TNRC18: variants seen among roughly 807,000 people sequenced by gnomAD.
TNRC18 encodes trinucleotide repeat containing 18.
TNRC18 carries 69 observed loss-of-function variants against 226.7 expected under a neutral mutation model. The ratio of observed to expected loss-of-function variants is 0.30; its 90% CI spans 0.25 to 0.37. The LOEUF (loss-of-function observed/expected upper bound fraction) is 0.37, where lower values mean the gene tolerates loss of function less well. Among genes scored for constraint, TNRC18 ranks in the 10% least tolerant of loss-of-function variants. The pLI, the probability that TNRC18 is intolerant of heterozygous loss-of-function variation, is 1.00. For synonymous variants in TNRC18, 2,449 were observed against 1,927.6 expected (o/e 1.27, Z -7.09); for missense variants, 4,754 against 4,256.6 (o/e 1.12, Z -3.25).
At chr7:5,402,118 G>A (rs1013467349) in intron 2 of TNRC18, among the ~76,000 whole-genome samples, 2 of 146,960 alleles carry the variant, frequency 1.4e-5, no homozygotes, top group East Asian at 2.0e-4. Context: ...GGCGGAGCAT[G>A]CCGTGAGCTG....
chr7:5,343,010 G>A (rs147374486), intron 18 of TNRC18, among the ~76,000 whole-genome samples: 5 of 152,260 alleles, frequency 3.3e-5, no homozygotes, highest in Non-Finnish European at 7.4e-5. Context: ...GATCGTTAGC[G>A]TTTTTGGCAA....
In TNRC18 at chr7:5,307,736, C is replaced by T. The variant is rs372247188; in HGVS notation, c.*370G>A. 5.6e-6 allele frequency: 2 copies of T among 354,514 alleles called. No homozygotes were observed. Among genetic ancestry groups the T allele is most frequent in the South Asian group, 4.6e-5 (2 of 43,950 alleles). 22.0% of individuals were successfully genotyped at this position (354,514 alleles called of 1,614,324 possible). ...TTAGAAGCGCCCCTCCCCACCGAAT[C>T]CCCAGTCTGCATGGACCTGGGGGCA... On this transcript the variant is annotated 3_prime_UTR_variant, in exon 30 of 30. Coordinates refer to ENST00000430969, the MANE Select transcript of TNRC18 (RefSeq NM_001080495.3).
intron 24 of TNRC18, among the ~76,000 whole-genome samples, chr7:5,317,107 C>G (rs761311375): frequency 1.3e-5 from 2 of 152,184 alleles, no homozygotes; most frequent in African/African-American, 2.4e-5. Flanking sequence ...AGAATCTGGG[C>G]AGCCCCCTAA....
intron 1 of TNRC18, chr7:5,422,850 G>A (rs1034057890): frequency 1.1e-4 from 17 of 152,220 alleles, no homozygotes; most frequent in African/African-American, 3.9e-4. Context: ...CACATCCGAG[G>A]ATACATGTCT....
rs116288745 is a variant in TNRC18 at position 5,359,786 on chromosome 7, G to A, written c.4662-217C>T. On this transcript the variant is annotated intron_variant, in intron 14 of 29. Coordinates refer to ENST00000430969, the MANE Select transcript of TNRC18 (RefSeq NM_001080495.3). ...GAATGAGAGTTTAAGGTGAAAGAAGGAAGAAAGCATTTTCTTTCTTGTGCG... is the reference window on the plus strand; with the variant it reads ...GAATGAGAGTTTAAGGTGAAAGAAGAAAGAAAGCATTTTCTTTCTTGTGCG... 4.3e-3 allele frequency among the ~76,000 whole-genome samples: 661 copies of A among 152,198 alleles called. 3 individuals carry two copies. The highest frequency in any genetic ancestry group is 0.014 in the African/African-American group (602 of 41,532).
intron 16 of TNRC18, among the ~76,000 whole-genome samples, chr7:5,356,586 C>T (rs566350211): frequency 6.6e-6 from 1 of 152,370 alleles, no homozygotes; most frequent in African/African-American, 2.4e-5. Context: ...ACAAGGCTTC[C>T]TCGCCTATGA....
chr7:5,357,073 C>T lies in TNRC18; in HGVS notation c.5037G>A (p.Ala1679=), dbSNP rs2128154912. ...YDSLLGKNRK[A]LAKGLGLSLK... ...GAGACAGGCCGAGGCCCTTGGCCAG[C>T]GCCTTCCTGTTCTTCCCCAGCAGGC... The change falls in exon 16 of 30, where the codon GCG becomes GCA. Residue 1679 remains alanine (A), a synonymous_variant. Coordinates refer to ENST00000430969, the MANE Select transcript of TNRC18 (RefSeq NM_001080495.3). The T allele has an allele frequency of 2.6e-6, 4 of 1,552,120 alleles. No homozygotes were observed. Among genetic ancestry groups the T allele is most frequent in the Non-Finnish European group, 3.5e-6 (4 of 1,147,082 alleles).
chr7:5,379,313 C>T (rs929414986), intron 5 of TNRC18, among the ~76,000 whole-genome samples: 15 of 151,688 alleles, frequency 9.9e-5, no homozygotes, highest in Admixed American at 3.3e-4. Context: ...TCTCTTGCGC[C>T]GGGGAGGTCG....
chr7:5,356,919 A>G lies in TNRC18; in HGVS notation c.5191T>C (p.Tyr1731His), dbSNP rs1385268949. 2.6e-6 allele frequency: 4 copies of G among 1,542,540 alleles called. No homozygotes were observed. Among genetic ancestry groups the G allele is most frequent in the Non-Finnish European group, 3.5e-6 (4 of 1,142,354 alleles). Residue 1731 changes from tyrosine to histidine, a missense_variant, in exon 16 of 30, where the codon TAC becomes CAC. Physicochemically the swap from Tyr to His is moderately conservative, Grantham distance 83. Transcript: ENST00000430969. ...PFASEVSSYS[Y>H]NTDSEEDEEF... Reference sequence around the variant, plus strand: ...TGGCGCGGCATACGCTACTTACTGTAAGAGTAGCTGCTCACTTCCGAGGCA... The same window carrying G: ...TGGCGCGGCATACGCTACTTACTGTGAGAGTAGCTGCTCACTTCCGAGGCA...
In TNRC18 at chr7:5,313,766, G is replaced by T; in HGVS notation, c.7125C>A (p.Ser2375Arg). ...CTCGCTTGTCCACAGGCTCTGGGGGGCTCTTCTTGGAACCTGGGGTGCTGC... is the reference window on the plus strand; with the variant it reads ...CTCGCTTGTCCACAGGCTCTGGGGGTCTCTTCTTGGAACCTGGGGTGCTGC... ...EPSSTPGSKK[S>R]PPEPVDKRAK... The change falls in exon 27 of 30, where the codon AGC becomes AGA. Residue 2375 changes from serine (S) to arginine (R), a missense_variant. Physicochemically the swap from Ser to Arg is moderately radical, Grantham distance 110. Transcript: ENST00000430969. 6.5e-7 allele frequency: 1 copy of T among 1,550,252 alleles called. No individual in the cohort carries two copies. Among genetic ancestry groups the T allele is most frequent in the Non-Finnish European group, 8.7e-7 (1 of 1,148,978 alleles).
At chr7:5,336,865 G>C (rs1350136532) in intron 18 of TNRC18, among the ~76,000 whole-genome samples, 6 of 152,204 alleles carry the variant, frequency 3.9e-5, no homozygotes, top group Non-Finnish European at 7.3e-5. Flanking sequence ...TTATGAGTTT[G>C]GGTGTGGGGG....
In TNRC18 at chr7:5,377,940, T is replaced by C; in HGVS notation, c.2237A>G (p.Asp746Gly). 1.2e-6 allele frequency: 2 copies of C among 1,613,368 alleles called. No individual in the cohort carries two copies. Among genetic ancestry groups the C allele is most frequent in the South Asian group, 2.2e-5 (2 of 91,014 alleles). ...CCCTCACCTGAGCAGCTTCTCCTGA[T>C]CCCGGTCCAGCCGTGCCCCGAGCAG... ...ERLLGARLDR[D>G]QEKLLRESKE... Residue 746 changes from aspartate (D) to glycine (G), a missense_variant, in exon 6 of 30, where the codon GAT (aspartate) becomes GGT (glycine). Physicochemically the swap from Asp to Gly is moderately conservative, Grantham distance 94. Coordinates refer to ENST00000430969, the MANE Select transcript of TNRC18 (RefSeq NM_001080495.3). This position sits in a 1 kb window ranked among gnomAD's most constrained non-coding sequence, Gnocchi z 5.8.
chr7:5,359,649 G>C lies in TNRC18; in HGVS notation c.4662-80C>G, dbSNP rs554633890. The stretch of plus-strand genomic sequence containing the variant: ...TGAGGTCCACCCTCATGGCCCTGAA[G>C]GGTTGGGCTCTGGACCCTGAGCGTG... On this transcript the variant is annotated intron_variant, in intron 14 of 29. Coordinates refer to ENST00000430969, the MANE Select transcript of TNRC18 (RefSeq NM_001080495.3). The C allele has an allele frequency of 1.6e-5, 25 of 1,571,434 alleles. No individual in the cohort carries two copies. In the South Asian group the frequency reaches 2.4e-4, roughly 15 times the overall value.
chr7:5,347,494 C>G (rs1037321306), intron 17 of TNRC18, among the ~76,000 whole-genome samples: 1 of 104,984 alleles, frequency 9.5e-6, no homozygotes, highest in Non-Finnish European at 2.1e-5. Flanking sequence ...CCACACCCAG[C>G]CCCCCCGCAA....
At chr7:5,413,347 C>T (rs922864782) in intron 2 of TNRC18, among the ~76,000 whole-genome samples, 3 of 152,128 alleles carry the variant, frequency 2.0e-5, no homozygotes, top group African/African-American at 4.8e-5. Context: ...GTGGTTCGCA[C>T]CCAAGCCATT....
At chr7:5,400,272 G>A (rs887059888) in intron 2 of TNRC18, among the ~76,000 whole-genome samples, 10 of 152,094 alleles carry the variant, frequency 6.6e-5, no homozygotes, top group Non-Finnish European at 1.3e-4. Context: ...CAAGGTCAGA[G>A]TCCGTGTCTG....
rs1780507906 is a variant in TNRC18, at chr7:5,394,345, G to C, written c.343+95C>G. The C allele has an allele frequency of 1.8e-5, 22 of 1,246,132 alleles. 1 individual carries two copies. Among genetic ancestry groups the C allele is most frequent in the South Asian group, 3.4e-5 (2 of 59,208 alleles). 77.2% of individuals were successfully genotyped at this position (1,246,132 alleles called of 1,614,324 possible). ...GGTGACCTGGGACCCACCAGCCCCA[G>C]CTCAGCGATGACAACAGAGGGGCAC... On this transcript the variant is annotated intron_variant, in intron 3 of 29. Coordinates refer to ENST00000430969, the MANE Select transcript of TNRC18 (RefSeq NM_001080495.3). This position sits in a 1 kb window ranked among gnomAD's most constrained non-coding sequence, Gnocchi z 4.5.
chr7:5,352,122 A>G (rs751353134), intron 16 of TNRC18, 28 bp from the exon 17 acceptor site: 5 of 1,574,494 alleles, frequency 3.2e-6, no homozygotes, highest in African/African-American at 2.7e-5. Flanking sequence ...TTTAATAGAG[A>G]TAAGTCACAG....
chr7:5,387,087 A>G (rs1365922903), intron 5 of TNRC18, among the ~76,000 whole-genome samples: 6 of 152,226 alleles, frequency 3.9e-5, no homozygotes, highest in Non-Finnish European at 5.9e-5. Flanking sequence ...AAATAAATAA[A>G]TAAATAAAAC....
Sources: gnomAD v4.1 joint callset for allele counts (sites outside exome capture counted in the v4.1 genomes callset) on GRCh38, gnomAD v4.1.1 for gene constraint, Gnocchi (gnomAD v3.1) non-coding constraint, MANE v1.5 for transcripts, NCBI Gene and HGNC (gene_info 2026-07-23, HGNC 2026-07-21) for gene names.